Variants in CTNNA1 observed in about 807,000 individuals in gnomAD.
The protein encoded by CTNNA1 is catenin alpha-1.
A neutral mutation model predicts 98.4 loss-of-function variants in CTNNA1; 37 were observed. The ratio of observed to expected loss-of-function variants is 0.38; its 90% CI spans 0.29 to 0.49. The LOEUF (loss-of-function observed/expected upper bound fraction) is 0.49. CTNNA1 is among the 20% of genes least tolerant of loss of function. The pLI, the probability that CTNNA1 is intolerant of heterozygous loss-of-function variation, is 0.95. For synonymous variants in CTNNA1, 404 were observed against 413.2 expected (o/e 0.98, Z 0.27); for missense variants, 761 against 1,147.2 (o/e 0.66, Z 4.86).
At chr5:138,848,937 T>A (rs1762958510) in intron 7 of CTNNA1, among the ~76,000 whole-genome samples, 1 of 152,174 alleles carries the variant, frequency 6.6e-6, no homozygotes, top group Non-Finnish European at 1.5e-5. Context: ...TTGGTCAGAC[T>A]GGTCTCGAAC....
intron 7 of CTNNA1, among the ~76,000 whole-genome samples, chr5:138,843,220 G>T (rs1024633960): frequency 6.6e-6 from 1 of 152,176 alleles, no homozygotes; most frequent in Non-Finnish European, 1.5e-5. Context: ...AAACAAGAAA[G>T]CAGAAAGTTG....
At chr5:138,843,315 CATAAT>C (rs955224102) in intron 7 of CTNNA1, among the ~76,000 whole-genome samples, 1 of 152,020 alleles carries the variant, frequency 6.6e-6, no homozygotes, top group Non-Finnish European at 1.5e-5. Context: ...AGAAAAAACT[CATAAT>C]AATTTTTTTT....
At chr5:138,928,902 C>T (rs1033579717) in intron 13 of CTNNA1, among the ~76,000 whole-genome samples, 2 of 151,878 alleles carry the variant, frequency 1.3e-5, no homozygotes, top group African/African-American at 4.8e-5. Flanking sequence ...CGCCACTGCA[C>T]TCCAGCCTGG....
At chr5:138,893,747 C>T (rs534638311) in intron 9 of CTNNA1, among the ~76,000 whole-genome samples, 72 of 152,076 alleles carry the variant, frequency 4.7e-4, no homozygotes, top group Admixed American at 1.4e-3. Flanking sequence ...CCTCAGCCTC[C>T]TGATTAGCTG....
intron 7 of CTNNA1, among the ~76,000 whole-genome samples, chr5:138,881,571 C>A (rs1456226338): frequency 6.6e-6 from 1 of 152,218 alleles, no homozygotes; most frequent in Non-Finnish European, 1.5e-5. Flanking sequence ...AGTTCTCTTT[C>A]CTCTCAGAAA....
chr5:138,834,506 A>C (rs1761585195), intron 7 of CTNNA1, among the ~76,000 whole-genome samples: 1 of 152,226 alleles, frequency 6.6e-6, no homozygotes, highest in South Asian at 2.1e-4. Flanking sequence ...ATAATTGCTC[A>C]AAAATACATA....
At chr5:138,781,390 C>A (rs996947260) in intron 1 of CTNNA1, among the ~76,000 whole-genome samples, 5 of 151,976 alleles carry the variant, frequency 3.3e-5, no homozygotes, top group South Asian at 2.1e-4. Flanking sequence ...CCCGTCTCTA[C>A]TAAAAATGCA....
chr5:138,783,704 AAC>A (rs1438364523), intron 3 of CTNNA1, among the ~76,000 whole-genome samples: 2 of 152,204 alleles, frequency 1.3e-5, no homozygotes, highest in Non-Finnish European at 1.5e-5. Flanking sequence ...GAAATGTTGT[AAC>A]ACAAATTGAT....
At chr5:138,850,487 ATAAT>A (rs1763090383) in intron 7 of CTNNA1, among the ~76,000 whole-genome samples, 1 of 152,228 alleles carries the variant, frequency 6.6e-6, no homozygotes, top group African/African-American at 2.4e-5. Flanking sequence ...TATTTAACAA[ATAAT>A]TAATACTAAT....
At chr5:138,878,226 C>A (rs180775535) in intron 7 of CTNNA1, among the ~76,000 whole-genome samples, 2 of 152,262 alleles carry the variant, frequency 1.3e-5, no homozygotes, top group East Asian at 3.9e-4. Context: ...ATCTTTCTCA[C>A]CTGCCCACTC....
intron 7 of CTNNA1, among the ~76,000 whole-genome samples, chr5:138,846,089 GCTAATTTTCATACTTTTAGAGACAGGGT>G (rs1267652049): frequency 3.9e-5 from 6 of 152,220 alleles, no homozygotes; most frequent in Admixed American, 1.3e-4. Flanking sequence ...ACCACGCCCG[GCTAATTTTCATACTTTTAGAGACAGGGT>G]CTAATTTTCA....
At chr5:138,917,693 G>T in intron 10 of CTNNA1, 49 bp from the exon 11 acceptor site, 9 of 1,595,088 alleles carry the variant, frequency 5.6e-6, no homozygotes, top group Non-Finnish European at 7.7e-6. Context: ...GTAAGACAAA[G>T]CCATGACTCT....
chr5:138,818,224 T>C (rs901052268), intron 5 of CTNNA1, among the ~76,000 whole-genome samples: 1 of 150,676 alleles, frequency 6.6e-6, no homozygotes, highest in Non-Finnish European at 1.5e-5. Flanking sequence ...TCCTCCCATC[T>C]CAGCCTCCCA....
At position 138,825,488 on chromosome 5, in the gene CTNNA1, T is replaced by TTTTTTTTTTTTTTTA. The variant is rs1760602855; in HGVS notation, c.858+699_858+700insTTTTATTTTTTTTTT. Among the ~76,000 whole-genome samples, 2 of 109,490 alleles carry TTTTTTTTTTTTTTTA rather than the reference T, an allele frequency of 1.8e-5. 1 individual carries two copies. Among genetic ancestry groups the TTTTTTTTTTTTTTTA allele is most frequent in the Non-Finnish European group, 3.6e-5 (2 of 54,842 alleles). 71.8% of individuals were successfully genotyped at this position (109,490 alleles called of 152,430 possible). A position where few individuals can be genotyped will look rare whatever the true frequency, so the allele number is the denominator to read the frequency against. On this transcript the variant is annotated intron_variant, in intron 6 of 17. Transcript: ENST00000302763. The stretch of plus-strand genomic sequence containing the variant: ...GTAGATGGCAGCAGTATAAGTTTTT[T>TTTTTTTTTTTTTTTA]TTTTTTTTTTAGGGCTTTAAAAGTA...
chr5:138,809,753 A>T (rs566189000), intron 3 of CTNNA1, among the ~76,000 whole-genome samples: 4 of 150,246 alleles, frequency 2.7e-5, no homozygotes, highest in African/African-American at 7.4e-5. Flanking sequence ...TTTTTTTTTT[A>T]AAGGAACATT....
At chr5:138,790,944 T>A (rs1244238916) in intron 3 of CTNNA1, 1 of 152,242 alleles carries the variant, frequency 6.6e-6, no homozygotes, top group East Asian at 1.9e-4. Flanking sequence ...TGAAAACCTC[T>A]GGGTAATTCA....
At chr5:138,771,114 G>A (rs1753505267) in intron 1 of CTNNA1, among the ~76,000 whole-genome samples, 1 of 151,988 alleles carries the variant, frequency 6.6e-6, no homozygotes, top group African/African-American at 2.4e-5. Flanking sequence ...GCTTCATGAA[G>A]GCAGGGTTCT....
At chr5:138,779,904 C>T (rs545089699) in intron 1 of CTNNA1, among the ~76,000 whole-genome samples, 5 of 151,148 alleles carry the variant, frequency 3.3e-5, no homozygotes, top group Admixed American at 1.3e-4. Context: ...TTAATAGAGA[C>T]GGGGTTTCAC....
At chr5:138,898,195 G>A (rs907476165) in intron 9 of CTNNA1, among the ~76,000 whole-genome samples, 5 of 118,876 alleles carry the variant, frequency 4.2e-5, no homozygotes, top group South Asian at 2.7e-4. Context: ...TCGTCTTACC[G>A]TGTGATATGT....
Sources: allele counts gnomAD v4.1 joint callset (sites outside exome capture counted in the v4.1 genomes callset), GRCh38; gene constraint gnomAD v4.1.1; transcripts MANE v1.5; gene names NCBI Gene and HGNC (gene_info 2026-07-23, HGNC 2026-07-21).